FAM83F: variants seen among roughly 807,000 people sequenced by gnomAD.
The protein encoded by FAM83F is scaffolding CK1 anchoring protein F, also known as protein FAM83F.
Under a neutral mutation model 42.9 loss-of-function variants are expected in FAM83F, and 45 were observed. The ratio of observed to expected loss-of-function variants is 1.05; its 90% confidence interval spans 0.83 to 1.35. The LOEUF (loss-of-function observed/expected upper bound fraction) is 1.35. FAM83F is among the 40% of genes most tolerant of loss of function. FAM83F has a pLI of 0.00. For synonymous variants in FAM83F, 306 were observed against 298.3 expected (o/e 1.03, Z -0.27); for missense variants, 617 against 695.9 (o/e 0.89, Z 1.28).
chr22:39,995,007 G>A lies in FAM83F; in HGVS notation c.-36G>A. Reference sequence around the variant, plus strand: ...GCTGTGGGACCTCGGACCGCGGCGGGGCCGGGGCCAGGGCCGGGGCCGGGG... The same window carrying A: ...GCTGTGGGACCTCGGACCGCGGCGGAGCCGGGGCCAGGGCCGGGGCCGGGG... On this transcript the variant is annotated 5_prime_UTR_variant, in exon 1 of 5. Coordinates refer to ENST00000333407, the MANE Select transcript of FAM83F (RefSeq NM_138435.4). The surrounding 1 kb of genome is among the most constrained non-coding windows in gnomAD (Gnocchi z 4.6). 4 of 1,239,118 alleles carry A rather than the reference G, an allele frequency of 3.2e-6. No individual in the cohort carries two copies. Among genetic ancestry groups the A allele is most frequent in the Non-Finnish European group, 4.0e-6 (4 of 992,512 alleles). The allele number at this position is 1,239,118 out of a possible 1,614,324, so 76.8% of individuals were successfully genotyped here.
In FAM83F at chr22:40,036,820, A is replaced by G. The variant is rs1021227852; in HGVS notation, c.*7255A>G. ...GGCAGCATCATGGTGAGAGGCTGAC[A>G]CCTTGTGGCTGGCTGGCAGCATACG... On this transcript the variant is annotated 3_prime_UTR_variant, in exon 5 of 5. Transcript: ENST00000333407. The G allele has an allele frequency of 2.0e-5, 3 of 152,238 alleles. No homozygotes were observed. Among genetic ancestry groups the G allele is most frequent in the African/African-American group, 7.2e-5 (3 of 41,432 alleles). 9.4% of individuals were successfully genotyped at this position (152,238 alleles called of 1,614,324 possible).
chr22:40,029,682 C>T lies in FAM83F; in HGVS notation c.*117C>T. 1 of 1,441,828 alleles carries T rather than the reference C, an allele frequency of 6.9e-7. No homozygotes were observed. Among genetic ancestry groups the T allele is most frequent in the South Asian group, 1.3e-5 (1 of 75,964 alleles). 89.3% of individuals were successfully genotyped at this position (1,441,828 alleles called of 1,614,324 possible). A position where few individuals can be genotyped will look rare whatever the true frequency, so the allele number is the denominator to read the frequency against. The stretch of plus-strand genomic sequence containing the variant: ...ACATCAGACGCCAACTGGCCTTCTG[C>T]CCTGCAGCCTCCGTCCTGGCCTCAG... On this transcript the variant is annotated 3_prime_UTR_variant, in exon 5 of 5. Coordinates refer to ENST00000333407, the MANE Select transcript of FAM83F (RefSeq NM_138435.4).
In FAM83F at chr22:40,029,621, T is replaced by C. The variant is rs9623111; in HGVS notation, c.*56T>C. ...GATGCCTGCCTGCCCTGCCCTGTGC[T>C]GTGGAGAGCGCAGGTCGCACACTGC... On this transcript the variant is annotated 3_prime_UTR_variant, in exon 5 of 5. Transcript: ENST00000333407. 4.6e-3 allele frequency: 7,315 copies of C among 1,589,150 alleles called. 266 individuals carry two copies. In the African/African-American group the frequency reaches 0.084, roughly 18 times the overall value.
chr22:40,008,165 GAGCTTTAATC>G (rs1302560077), intron 1 of FAM83F, among the ~76,000 whole-genome samples: 1 of 152,216 alleles, frequency 6.6e-6, no homozygotes, highest in Non-Finnish European at 1.5e-5. Context: ...CGTGTTCCCT[GAGCTTTAATC>G]AGCACCGTTG....
Position 40,029,845 on chromosome 22 carries a change from T to C in FAM83F, c.*280T>C. The C allele has an allele frequency of 2.5e-6, 1 of 403,700 alleles. No homozygotes were observed. The highest frequency in any genetic ancestry group is 4.5e-6 in the Non-Finnish European group (1 of 220,368). 25.0% of individuals were successfully genotyped at this position (403,700 alleles called of 1,614,324 possible). A position where few individuals can be genotyped will look rare whatever the true frequency, so the allele number is the denominator to read the frequency against. On this transcript the variant is annotated 3_prime_UTR_variant, in exon 5 of 5. Coordinates refer to ENST00000333407, the MANE Select transcript of FAM83F (RefSeq NM_138435.4). ...GAAGCTTGACCAGTGTCTGCTCGCCTTTGTGCCCCACCCCCTCCGCTGATT... is the reference window on the plus strand; with the variant it reads ...GAAGCTTGACCAGTGTCTGCTCGCCCTTGTGCCCCACCCCCTCCGCTGATT...
At position 40,024,571 on chromosome 22, in the gene FAM83F, C is replaced by T. The variant is rs114089288; in HGVS notation, c.1453+2608C>T. On this transcript the variant is annotated intron_variant, in intron 4 of 4. Coordinates refer to ENST00000333407, the MANE Select transcript of FAM83F (RefSeq NM_138435.4). Reference sequence around the variant, plus strand: ...AGCAGCTGCCACCTGGCTCTCAATTCGGGACACATTGCTCCCTGTACCCAG... The same window carrying T: ...AGCAGCTGCCACCTGGCTCTCAATTTGGGACACATTGCTCCCTGTACCCAG... Among the ~76,000 whole-genome samples the T allele has an allele frequency of 2.5e-3, 376 of 152,324 alleles. 1 individual carries two copies. Among genetic ancestry groups the T allele is most frequent in the African/African-American group, 8.9e-3 (368 of 41,570 alleles).
chr22:39,998,224 G>C (rs557705785), intron 1 of FAM83F, among the ~76,000 whole-genome samples: 1 of 152,156 alleles, frequency 6.6e-6, no homozygotes, highest in Admixed American at 6.6e-5. Context: ...AGGCCAGGTG[G>C]GGCAGACTGA....
rs1405636455 is a variant in FAM83F at position 40,019,238 on chromosome 22, A to T, written c.560A>T (p.Lys187Met). Residue 187 changes from lysine (K) to methionine (M), a missense_variant, in exon 2 of 5, where the codon AAG becomes ATG. By Grantham distance (95) the Lys-to-Met change is moderately conservative. Coordinates refer to ENST00000333407, the MANE Select transcript of FAM83F (RefSeq NM_138435.4). ...IFQDIVDAAC[K>M]RRVPVYIILD... ...CAAGACATTGTGGATGCTGCCTGTA[A>T]GCGCCGGGTCCCAGTGTACATCATC... 6.2e-7 allele frequency: 1 copy of T among 1,614,170 alleles called. No individual in the cohort carries two copies. Among genetic ancestry groups the T allele is most frequent in the Admixed American group, 1.7e-5 (1 of 60,024 alleles).
chr22:40,005,047 C>G (rs992982687), intron 1 of FAM83F, among the ~76,000 whole-genome samples: 2 of 152,204 alleles, frequency 1.3e-5, no homozygotes, highest in African/African-American at 4.8e-5. Context: ...CAATCATATC[C>G]CTCCCTGCAC....
chr22:40,009,037 G>A (rs1027983321), intron 1 of FAM83F, among the ~76,000 whole-genome samples: 8 of 152,150 alleles, frequency 5.3e-5, no homozygotes, highest in African/African-American at 1.9e-4. Context: ...TCAGATGTGG[G>A]GAGTTCCCCC....
chr22:40,034,090 G>A lies in FAM83F; in HGVS notation c.*4525G>A, dbSNP rs1375915787. On this transcript the variant is annotated 3_prime_UTR_variant, in exon 5 of 5. Coordinates refer to ENST00000333407, the MANE Select transcript of FAM83F (RefSeq NM_138435.4). Reference sequence around the variant, plus strand: ...AAGCAGCCAGTGCTGACAGCAGAGAGCCTTCCACACTCAAGTCAGGCCAAG... The same window carrying A: ...AAGCAGCCAGTGCTGACAGCAGAGAACCTTCCACACTCAAGTCAGGCCAAG... 6.6e-6 allele frequency: 1 copy of A among 152,330 alleles called. No homozygotes were observed. Among genetic ancestry groups the A allele is most frequent in the Non-Finnish European group, 1.5e-5 (1 of 68,138 alleles). The allele number at this position is 152,330 out of a possible 1,614,324, so 9.4% of individuals were successfully genotyped here. A position where few individuals can be genotyped will look rare whatever the true frequency, so the allele number is the denominator to read the frequency against.
rs754625979 is a variant in FAM83F, at chr22:40,013,082, CAAAAAAAA to C, written c.490-6068_490-6061del. Among the ~76,000 whole-genome samples the C allele has an allele frequency of 4.8e-3, 222 of 46,412 alleles. 2 individuals carry two copies. The highest frequency in any genetic ancestry group is 0.019 in the Middle Eastern group (1 of 52). The allele number at this position is 46,412 out of a possible 152,430, so 30.4% of individuals were successfully genotyped here. A position where few individuals can be genotyped will look rare whatever the true frequency, so the allele number is the denominator to read the frequency against. On this transcript the variant is annotated intron_variant, in intron 1 of 4. Transcript: ENST00000333407. Reference sequence around the variant, plus strand: ...TGGGCGACAGAGCGAGACTCCGTTTCAAAAAAAAAAAAAAAAAAAAAAAAAGACTGCTC... The same window carrying C: ...TGGGCGACAGAGCGAGACTCCGTTTCAAAAAAAAAAAAAAAAAGACTGCTC...
At position 40,000,530 on chromosome 22, in the gene FAM83F, A is replaced by G. The variant is rs528391251; in HGVS notation, c.489+4999A>G. On this transcript the variant is annotated intron_variant, in intron 1 of 4. Coordinates refer to ENST00000333407, the MANE Select transcript of FAM83F (RefSeq NM_138435.4). ...AATGACGTTTCCCTCATTCAGCTAC[A>G]CTGGCAAACAGTACCAAGCGCCTTC... 3.3e-5 allele frequency among the ~76,000 whole-genome samples: 5 copies of G among 152,332 alleles called. No individual in the cohort carries two copies. The South Asian group carries it at 8.3e-4, about 25-fold the overall frequency.
intron 1 of FAM83F, among the ~76,000 whole-genome samples, chr22:40,016,933 G>A (rs2067495404): frequency 6.6e-6 from 1 of 152,102 alleles, no homozygotes; most frequent in South Asian, 2.1e-4. Context: ...CAAAGTGCTG[G>A]GATTACAGGC....
At chr22:40,025,931 T>C (rs1170410279) in intron 4 of FAM83F, among the ~76,000 whole-genome samples, 1 of 152,216 alleles carries the variant, frequency 6.6e-6, no homozygotes, top group East Asian at 1.9e-4. Flanking sequence ...ATCCCTGTGC[T>C]GTGCCTGAGA....
At chr22:40,004,160 G>A (rs117035363) in intron 1 of FAM83F, among the ~76,000 whole-genome samples, 1,982 of 152,212 alleles carry the variant, frequency 0.013, 27 homozygotes, top group South Asian at 0.037. Flanking sequence ...AAGTCTAATG[G>A]GGGGTGACAA....
chr22:40,008,948 A>G (rs938938105), intron 1 of FAM83F, among the ~76,000 whole-genome samples: 1 of 152,192 alleles, frequency 6.6e-6, no homozygotes, highest in Non-Finnish European at 1.5e-5. Context: ...GGGCTGCCAC[A>G]CAGACGGCCA....
chr22:40,005,814 G>A (rs936742110), intron 1 of FAM83F, among the ~76,000 whole-genome samples: 8 of 152,182 alleles, frequency 5.3e-5, no homozygotes, highest in African/African-American at 1.9e-4. Flanking sequence ...AGGGAGCCCA[G>A]TGTTTTATGA....
chr22:40,018,623 G>A (rs77264964), intron 1 of FAM83F, among the ~76,000 whole-genome samples: 1 of 123,976 alleles, frequency 8.1e-6, no homozygotes, highest in African/African-American at 3.2e-5. Flanking sequence ...TTTTTTTTTC[G>A]CTCTTGTTGC....
Sources: allele counts gnomAD v4.1 joint callset (sites outside exome capture counted in the v4.1 genomes callset), GRCh38; gene constraint gnomAD v4.1.1; non-coding constraint Gnocchi (gnomAD v3.1); transcripts MANE v1.5; gene names NCBI Gene and HGNC (gene_info 2026-07-23, HGNC 2026-07-21).